PLXDC2: variants seen among roughly 807,000 people sequenced by gnomAD.
The protein encoded by PLXDC2 is plexin domain containing 2.
In PLXDC2, 40 loss-of-function variants were observed where a neutral mutation model predicts 68.9. The observed-to-expected ratio is 0.58, with a 90% CI of 0.45 to 0.76. The LOEUF is 0.76. Among genes scored for constraint, PLXDC2 ranks in the 30% least tolerant of loss-of-function variants. PLXDC2 has a pLI of 0.00. For missense variants in PLXDC2, 644 were observed against 661.9 expected, an observed-to-expected ratio of 0.97 and a Z score of 0.30; for synonymous variants, 243 against 234.2, an observed-to-expected ratio of 1.04 and a Z score of -0.34.
At chr10:20,241,257 C>A (rs1424575565) in intron 12 of PLXDC2, among the ~76,000 whole-genome samples, 3 of 152,184 alleles carry the variant, frequency 2.0e-5, no homozygotes, top group African/African-American at 7.2e-5. Context: ...AGGTGCAAAT[C>A]TGGTTATGGT....
intron 4 of PLXDC2, among the ~76,000 whole-genome samples, chr10:20,093,908 C>T (rs926220440): frequency 3.3e-5 from 5 of 152,034 alleles, no homozygotes; most frequent in African/African-American, 1.2e-4. Flanking sequence ...CTACTGAATT[C>T]AGGCGATCTG....
rs574713048 is a variant in PLXDC2, at chr10:19,843,339, G to A, written c.112+26148G>A. On this transcript the variant is annotated intron_variant, in intron 1 of 13. Coordinates refer to ENST00000377252, the MANE Select transcript of PLXDC2 (RefSeq NM_032812.9). ...ATTCAATGTCAATTTATCCAATATC[G>A]ATTTATTCTCATGTTCTTTATTTGT... Among the ~76,000 whole-genome samples the A allele has an allele frequency of 5.9e-5, 9 of 151,924 alleles. No individual in the cohort carries two copies. In the South Asian group the frequency reaches 1.0e-3, roughly 18 times the overall value.
chr10:20,258,280 C>T lies in PLXDC2; in HGVS notation c.1473+12775C>T, dbSNP rs137971074. ...CTTCCCAAAGTGCTGGAATTACAGG[C>T]GTGAGCCACCGTGCCTGCCCAGTTT... On this transcript the variant is annotated intron_variant, in intron 13 of 13. Coordinates refer to ENST00000377252, the MANE Select transcript of PLXDC2 (RefSeq NM_032812.9). Among the ~76,000 whole-genome samples the T allele has an allele frequency of 3.7e-3, 556 of 152,058 alleles. 5 individuals are homozygous for T. Among genetic ancestry groups the T allele is most frequent in the African/African-American group, 0.012 (516 of 41,492 alleles).
At chr10:19,997,336 G>C (rs1340366413) in intron 1 of PLXDC2, among the ~76,000 whole-genome samples, 1 of 152,182 alleles carries the variant, frequency 6.6e-6, no homozygotes, top group Non-Finnish European at 1.5e-5. Context: ...TTTTCATCTA[G>C]TCTCAAATGT....
intron 7 of PLXDC2, among the ~76,000 whole-genome samples, chr10:20,175,843 G>C (rs1834519529): frequency 6.6e-6 from 1 of 151,944 alleles, no homozygotes; most frequent in Non-Finnish European, 1.5e-5. Flanking sequence ...AATAAAAACA[G>C]TTTATAGCCC....
chr10:19,823,376 G>A (rs1836512180), intron 1 of PLXDC2, among the ~76,000 whole-genome samples: 1 of 151,954 alleles, frequency 6.6e-6, no homozygotes, highest in South Asian at 2.1e-4. Flanking sequence ...CTATAATGAA[G>A]GAGGCTGTAA....
chr10:20,080,223 G>A (rs116448332), intron 4 of PLXDC2, among the ~76,000 whole-genome samples: 1,822 of 152,250 alleles, frequency 0.012, 28 homozygotes, highest in African/African-American at 0.039. Flanking sequence ...ATTTCTATTA[G>A]ACCCATGAGA....
intron 6 of PLXDC2, among the ~76,000 whole-genome samples, chr10:20,149,214 C>CTTTTTTTTTT: frequency 8.9e-6 from 1 of 112,388 alleles, no homozygotes. Context: ...ATTTTTCTTT[C>CTTTTTTTTTT]TTTTTTTTTC....
chr10:20,099,784 T>C (rs1833398368), intron 4 of PLXDC2, among the ~76,000 whole-genome samples: 1 of 152,096 alleles, frequency 6.6e-6, no homozygotes, highest in South Asian at 2.1e-4. Context: ...GGAGATTCTT[T>C]TAATTATGTT....
intron 13 of PLXDC2, among the ~76,000 whole-genome samples, chr10:20,258,894 G>A (rs1835776355): frequency 6.6e-6 from 1 of 151,908 alleles, no homozygotes; most frequent in Admixed American, 6.6e-5. Flanking sequence ...TGTAGTCCCA[G>A]CTACTCAGGA....
chr10:19,895,070 A>G (rs1425648251), intron 1 of PLXDC2, among the ~76,000 whole-genome samples: 2 of 152,222 alleles, frequency 1.3e-5, no homozygotes, highest in Admixed American at 6.5e-5. Flanking sequence ...AATGTGGCAC[A>G]TATACAACAT....
intron 1 of PLXDC2, among the ~76,000 whole-genome samples, chr10:19,830,887 A>G (rs1388040727): frequency 1.3e-5 from 2 of 152,084 alleles, no homozygotes; most frequent in African/African-American, 2.4e-5. Flanking sequence ...GTCTTGAGAA[A>G]TCCATCAAAG....
intron 13 of PLXDC2, among the ~76,000 whole-genome samples, chr10:20,249,388 A>G (rs1228970019): frequency 6.6e-6 from 1 of 152,220 alleles, no homozygotes; most frequent in African/African-American, 2.4e-5. Context: ...CTTGTCTTAC[A>G]GCTCTGGAAG....
intron 12 of PLXDC2, among the ~76,000 whole-genome samples, chr10:20,243,706 C>CA (rs34968242): frequency 0.47 from 71,324 of 151,898 alleles, 18,355 homozygotes; most frequent in Middle Eastern, 0.64. Flanking sequence ...GTTTAATAGA[C>CA]AAAAAAAGCT....
At chr10:20,210,243 A>T (rs1835050957) in intron 9 of PLXDC2, among the ~76,000 whole-genome samples, 1 of 152,184 alleles carries the variant, frequency 6.6e-6, no homozygotes, top group Admixed American at 6.5e-5. Flanking sequence ...ATGGAAATTA[A>T]CAACTAGTAA....
In PLXDC2 at chr10:19,934,660, AC is replaced by A. The variant is rs1287478590; in HGVS notation, c.113-67114del. On this transcript the variant is annotated intron_variant, in intron 1 of 13. Coordinates refer to ENST00000377252, the MANE Select transcript of PLXDC2 (RefSeq NM_032812.9). ...AAGAAAGATTATGGGCATAGCTTCT[AC>A]TTCTTTTTCCATATTGTGGTATAGT... 2.0e-5 allele frequency among the ~76,000 whole-genome samples: 3 copies of A among 152,336 alleles called. No homozygotes were observed. The East Asian group carries it at 5.8e-4, about 29-fold the overall frequency.
intron 4 of PLXDC2, among the ~76,000 whole-genome samples, chr10:20,098,814 T>C (rs1009614866): frequency 1.3e-5 from 2 of 152,068 alleles, no homozygotes; most frequent in Admixed American, 6.6e-5. Flanking sequence ...AAGAATCAGA[T>C]TGGGAGTTAG....
At position 20,217,519 on chromosome 10, in the gene PLXDC2, C is replaced by G. The variant is rs939695946; in HGVS notation, c.1216C>G (p.Leu406Val). 4 of 1,610,320 alleles carry G rather than the reference C, an allele frequency of 2.5e-6. No individual in the cohort carries two copies. The highest frequency in any genetic ancestry group is 3.4e-6 in the Non-Finnish European group (4 of 1,178,286). ...AGCGACAACCACCCAGTTCAGGGTCCTAACTACCACCAGAAGAGCAGTGAC... is the reference window on the plus strand; with the variant it reads ...AGCGACAACCACCCAGTTCAGGGTCGTAACTACCACCAGAAGAGCAGTGAC... ...VGATTTQFRV[L>V]TTTRRAVTSQ... Residue 406 changes from leucine to valine, a missense_variant, in exon 11 of 14, where the codon CTA becomes GTA. Around this residue, in one of 3 missense-constraint regions of PLXDC2, gnomAD observed 330 missense variants for 327.9 expected, o/e 1.01. Coordinates refer to ENST00000377252, the MANE Select transcript of PLXDC2 (RefSeq NM_032812.9).
At chr10:20,127,877 G>A (rs990403619) in intron 4 of PLXDC2, among the ~76,000 whole-genome samples, 1 of 152,066 alleles carries the variant, frequency 6.6e-6, no homozygotes, top group Non-Finnish European at 1.5e-5. Flanking sequence ...TTAGGTTGGG[G>A]GCATTATGGT....
Sources: allele counts gnomAD v4.1 joint callset (sites outside exome capture counted in the v4.1 genomes callset), GRCh38; gene constraint gnomAD v4.1.1; regional missense constraint gnomAD v4.1.1; transcripts MANE v1.5; gene names NCBI Gene and HGNC (gene_info 2026-07-23, HGNC 2026-07-21).